The following FHL2 variants were observed in gnomAD, a reference collection of about 807,000 sequenced individuals.
FHL2 encodes four and a half LIM domains 2, also known as four and a half LIM domains protein 2.
A neutral mutation model predicts 32.7 loss-of-function variants in FHL2; 20 were observed. That is an observed-to-expected ratio of 0.61 (90% CI 0.43 to 0.89). The LOEUF is 0.89. Among genes scored for constraint, FHL2 ranks in the 40% least tolerant of loss-of-function variants. The probability of loss-of-function intolerance (pLI) is 0.00; values close to 1 mark genes in which losing one functional copy is unlikely to be tolerated. For synonymous variants in FHL2, 123 were observed against 128.1 expected, an observed-to-expected ratio of 0.96 and a Z score of 0.27; for missense variants, 311 against 358.6, an observed-to-expected ratio of 0.87 and a Z score of 1.07.
At chr2:105,432,817 G>T (rs765272989) in intron 1 of FHL2, among the ~76,000 whole-genome samples, 1 of 152,160 alleles carries the variant, frequency 6.6e-6, no homozygotes, top group African/African-American at 2.4e-5. Flanking sequence ...TACTGATTGC[G>T]TCCAAAAAAT....
At chr2:105,393,850 G>C (rs929722027) in intron 2 of FHL2, among the ~76,000 whole-genome samples, 1 of 152,202 alleles carries the variant, frequency 6.6e-6, no homozygotes, top group Non-Finnish European at 1.5e-5. Context: ...CTTCCGCAGC[G>C]GATATAACTC....
At chr2:105,373,974 CTG>C (rs1347758365) in intron 3 of FHL2, 2 of 547,804 alleles carry the variant, frequency 3.7e-6, no homozygotes, top group Non-Finnish European at 6.6e-6. Context: ...ATGCACATGT[CTG>C]TGTGTGAGAG....
chr2:105,377,437 C>G (rs1414150474), intron 3 of FHL2, among the ~76,000 whole-genome samples: 1 of 152,078 alleles, frequency 6.6e-6, no homozygotes, highest in Non-Finnish European at 1.5e-5. Context: ...TCGAGACCAG[C>G]CTGGCCAACA....
chr2:105,407,069 G>C (rs1683655085), intron 1 of FHL2, among the ~76,000 whole-genome samples: 1 of 152,184 alleles, frequency 6.6e-6, no homozygotes, highest in Non-Finnish European at 1.5e-5. Flanking sequence ...AGCTTGATCA[G>C]TATTACTGAA....
At chr2:105,369,602 G>GA (rs1201862846) in intron 4 of FHL2, among the ~76,000 whole-genome samples, 1 of 152,174 alleles carries the variant, frequency 6.6e-6, no homozygotes, top group Non-Finnish European at 1.5e-5. Context: ...GTGGGGTGAT[G>GA]AATCCTAAAA....
chr2:105,437,816 T>C lies in FHL2; in HGVS notation c.-25+583A>G, dbSNP rs377473526. On this transcript the variant is annotated intron_variant, in intron 1 of 5. Transcript: ENST00000393352. ...TGCTCTGGAAATTGTAAAATATTCA[T>C]GCATTTCCTTTTTAAAGCATGCAAT... Among the ~76,000 whole-genome samples, 117 of 152,346 alleles carry C rather than the reference T, an allele frequency of 7.7e-4. 1 individual carries two copies. In the South Asian group the frequency reaches 0.023, roughly 30 times the overall value.
chr2:105,400,048 T>C (rs984187462), upstream of FHL2, among the ~76,000 whole-genome samples: 4 of 152,154 alleles, frequency 2.6e-5, no homozygotes, highest in South Asian at 4.1e-4. Context: ...ATCACAGAAC[T>C]TGAGAATAAA....
intron 5 of FHL2, 22 bp downstream of exon 5, chr2:105,367,548 G>C (rs202071527): frequency 6.3e-7 from 1 of 1,599,860 alleles, no homozygotes; most frequent in Admixed American, 1.7e-5. Flanking sequence ...ACGTGCAAGG[G>C]CCAAGGGGGC....
At position 105,430,451 on chromosome 2, in the gene FHL2, G is replaced by A. The variant is rs150714250; in HGVS notation, c.-25+7948C>T. 1.7e-3 allele frequency among the ~76,000 whole-genome samples: 255 copies of A among 152,312 alleles called. 6 individuals carry two copies. The East Asian group carries it at 0.04, about 24-fold the overall frequency. On this transcript the variant is annotated intron_variant, in intron 1 of 5. Transcript: ENST00000393352. Reference sequence around the variant, plus strand: ...GGAGGCCAAGGCGGGCAGATCACCCGAGGTCAGGAGTTTGAGACCAGCCGG... The same window carrying A: ...GGAGGCCAAGGCGGGCAGATCACCCAAGGTCAGGAGTTTGAGACCAGCCGG...
rs1573387446 is a variant in FHL2, at chr2:105,406,300, C to G, written c.-24-19760G>C. Among the ~76,000 whole-genome samples, 3 of 152,180 alleles carry G rather than the reference C, an allele frequency of 2.0e-5. No individual in the cohort carries two copies. In the East Asian group the frequency reaches 5.8e-4, roughly 29 times the overall value. On this transcript the variant is annotated intron_variant, in intron 1 of 5. Coordinates refer to the FHL2 transcript ENST00000393352. ...CTAACACTATAAATATACTTGGAATCGTGTGTACAGTCAGAGATGCTGAGC... is the reference window on the plus strand; with the variant it reads ...CTAACACTATAAATATACTTGGAATGGTGTGTACAGTCAGAGATGCTGAGC...
intron 6 of FHL2, among the ~76,000 whole-genome samples, chr2:105,361,790 T>G (rs764548146): frequency 1.3e-5 from 2 of 152,292 alleles, no homozygotes; most frequent in Admixed American, 1.3e-4. Flanking sequence ...TGCCTGGTGC[T>G]CAAATTTTTA....
chr2:105,363,319 G>A lies in FHL2; in HGVS notation c.654C>T (p.Ala218=), dbSNP rs753039196. 3.7e-6 allele frequency: 6 copies of A among 1,614,062 alleles called. No homozygotes were observed. The highest frequency in any genetic ancestry group is 4.5e-5 in the East Asian group (2 of 44,890). The change falls in exon 6 of 7, where the codon GCC becomes GCT. Residue 218 remains alanine, a synonymous_variant. Coordinates refer to ENST00000530340, the MANE Select transcript of FHL2 (RefSeq NM_001318895.3). ...YCLNCFCDLY[A]KKCAGCTNPI... is the part of the protein sequence containing the mutation. ...GGTTGGTGCACCCAGCACACTTCTT[G>A]GCATACAAGTCACAGAAGCAGTTCA... is the stretch of plus-strand genomic sequence containing the variant.
intron 5 of FHL2, among the ~76,000 whole-genome samples, chr2:105,365,326 G>A (rs944283767): frequency 1.3e-5 from 2 of 152,218 alleles, no homozygotes; most frequent in African/African-American, 4.8e-5. Context: ...GATCCCCAGT[G>A]CCTGAGAGGG....
At chr2:105,432,287 G>A (rs778998983) in intron 1 of FHL2, among the ~76,000 whole-genome samples, 2 of 152,190 alleles carry the variant, frequency 1.3e-5, no homozygotes, top group African/African-American at 2.4e-5. Context: ...GGACCTAAAA[G>A]GAGTTTGTCT....
At chr2:105,422,334 G>A (rs1684128529) in intron 1 of FHL2, among the ~76,000 whole-genome samples, 1 of 152,170 alleles carries the variant, frequency 6.6e-6, no homozygotes, top group African/African-American at 2.4e-5. Flanking sequence ...TGCATATGGA[G>A]GTGCATGTCA....
intron 6 of FHL2, among the ~76,000 whole-genome samples, chr2:105,362,872 A>T (rs1680374730): frequency 6.6e-6 from 1 of 152,230 alleles, no homozygotes; most frequent in Non-Finnish European, 1.5e-5. Flanking sequence ...TTGTGGTAGA[A>T]GTTTCCCATT....
chr2:105,425,694 A>T (rs1394551250), intron 1 of FHL2, among the ~76,000 whole-genome samples: 13 of 151,944 alleles, frequency 8.6e-5, no homozygotes, highest in Admixed American at 7.9e-4. Flanking sequence ...TACTCCACTG[A>T]GATGTTTGGG....
intron 5 of FHL2, among the ~76,000 whole-genome samples, chr2:105,366,284 G>A (rs1371464041): frequency 6.6e-6 from 1 of 152,176 alleles, no homozygotes; most frequent in Admixed American, 6.5e-5. Context: ...ACTTAGAAAA[G>A]GTGTGGGCAA....
intron 3 of FHL2, among the ~76,000 whole-genome samples, chr2:105,377,364 C>G (rs1320798674): frequency 6.6e-6 from 1 of 152,178 alleles, no homozygotes; most frequent in African/African-American, 2.4e-5. Flanking sequence ...GGCGAGGTGG[C>G]TCACGCCTGT....
Sources: gnomAD v4.1 joint callset for allele counts (sites outside exome capture counted in the v4.1 genomes callset) on GRCh38, gnomAD v4.1.1 for gene constraint, MANE v1.5 for transcripts, NCBI Gene and HGNC (gene_info 2026-07-23, HGNC 2026-07-21) for gene names.